The following SUCLG2 variants were observed in gnomAD, a reference collection of about 807,000 sequenced individuals.
The protein encoded by SUCLG2 is succinate-CoA ligase GDP-forming subunit beta, also known as succinate--CoA ligase [GDP-forming] subunit beta, mitochondrial.
In SUCLG2, 42 loss-of-function variants were observed where a neutral mutation model predicts 47.9. That is an observed-to-expected ratio of 0.88 (90% CI 0.69 to 1.14). The LOEUF (loss-of-function observed/expected upper bound fraction) is 1.14. Among genes scored for constraint, SUCLG2 ranks in the 50% most tolerant of loss-of-function variants. SUCLG2 has a pLI of 0.00. For missense variants in SUCLG2, 571 were observed against 525.9 expected (o/e 1.09, Z -0.84); for synonymous variants, 195 against 197.3 (o/e 0.99, Z 0.10).
At chr3:67,476,645 G>A (rs535742500) in intron 9 of SUCLG2, among the ~76,000 whole-genome samples, 1 of 152,260 alleles carries the variant, frequency 6.6e-6, no homozygotes, top group African/African-American at 2.4e-5. Flanking sequence ...CCCTCACTCA[G>A]TAGAAAAACT....
intron 9 of SUCLG2, among the ~76,000 whole-genome samples, chr3:67,424,621 G>C (rs1486460718): frequency 6.6e-6 from 1 of 152,122 alleles, no homozygotes; most frequent in African/African-American, 2.4e-5. Flanking sequence ...CTGTAAAATA[G>C]ATAATCATGT....
intron 9 of SUCLG2, among the ~76,000 whole-genome samples, chr3:67,446,470 A>T: frequency 8.5e-6 from 1 of 116,984 alleles, no homozygotes; most frequent in African/African-American, 3.5e-5. Context: ...TCGCTCTGTC[A>T]CTCAGGCTGG....
intron 9 of SUCLG2, among the ~76,000 whole-genome samples, chr3:67,402,214 A>C (rs957333429): frequency 1.3e-4 from 20 of 152,240 alleles, no homozygotes; most frequent in African/African-American, 4.8e-4. Flanking sequence ...AAAGGCCTAA[A>C]TGAGGTAATA....
chr3:67,405,605 G>A (rs1366908124), intron 9 of SUCLG2, among the ~76,000 whole-genome samples: 1 of 152,180 alleles, frequency 6.6e-6, no homozygotes, highest in African/African-American at 2.4e-5. Flanking sequence ...GTAACCTACA[G>A]CATATGCATT....
intron 9 of SUCLG2, among the ~76,000 whole-genome samples, chr3:67,456,934 C>A (rs1449330862): frequency 6.6e-6 from 1 of 152,074 alleles, no homozygotes; most frequent in Non-Finnish European, 1.5e-5. Flanking sequence ...TTTTCCTTTT[C>A]TTCTTTATAC....
At chr3:67,597,641 T>G in intron 2 of SUCLG2, among the ~76,000 whole-genome samples, 1 of 152,156 alleles carries the variant, frequency 6.6e-6, no homozygotes, top group Non-Finnish European at 1.5e-5. Context: ...GGAATAATAT[T>G]TAAAGCTCTC....
chr3:67,447,904 T>C (rs1394136895), intron 9 of SUCLG2, among the ~76,000 whole-genome samples: 1 of 152,154 alleles, frequency 6.6e-6, no homozygotes, highest in Non-Finnish European at 1.5e-5. Context: ...AATTTTTGTA[T>C]TTTTAGTAGA....
At chr3:67,533,640 G>A (rs977795617) in intron 2 of SUCLG2, among the ~76,000 whole-genome samples, 1 of 152,142 alleles carries the variant, frequency 6.6e-6, no homozygotes, top group Admixed American at 6.5e-5. Flanking sequence ...CAATTATATA[G>A]AGATAAGTTA....
intron 10 of SUCLG2, among the ~76,000 whole-genome samples, chr3:67,396,117 A>G (rs1229907964): frequency 3.3e-5 from 5 of 152,112 alleles, no homozygotes; most frequent in Admixed American, 6.6e-5. Flanking sequence ...AAGAACTAGA[A>G]AAACAAGAGC....
chr3:67,612,610 GAATT>G (rs1257787761), intron 1 of SUCLG2, among the ~76,000 whole-genome samples: 1 of 152,182 alleles, frequency 6.6e-6, no homozygotes, highest in East Asian at 1.9e-4. Context: ...GAAATGTCAA[GAATT>G]ATTATCTCTC....
chr3:67,594,046 C>T lies in SUCLG2; in HGVS notation c.226+15409G>A, dbSNP rs1008824105. The stretch of plus-strand genomic sequence containing the variant: ...TTGTGAAAACTATACCCACACCTAG[C>T]CCACAAGTCCGAGGAGGATGAGAGG... On this transcript the variant is annotated intron_variant, in intron 2 of 10. Transcript: ENST00000307227. 7.2e-5 allele frequency among the ~76,000 whole-genome samples: 11 copies of T among 152,190 alleles called. No individual in the cohort carries two copies. In the East Asian group the frequency reaches 1.9e-3, roughly 27 times the overall value.
At chr3:67,652,583 A>G (rs1701306704) in intron 1 of SUCLG2, among the ~76,000 whole-genome samples, 1 of 152,254 alleles carries the variant, frequency 6.6e-6, no homozygotes, top group Non-Finnish European at 1.5e-5. Context: ...GATGGTCATA[A>G]AGAAAAAAAT....
At chr3:67,477,724 A>T (rs1163106237) in intron 9 of SUCLG2, among the ~76,000 whole-genome samples, 4 of 152,164 alleles carry the variant, frequency 2.6e-5, no homozygotes, top group African/African-American at 9.7e-5. Flanking sequence ...TGGAGGTTTT[A>T]CTAAGTCTGT....
chr3:67,640,086 T>A (rs1701074200), intron 1 of SUCLG2, among the ~76,000 whole-genome samples: 1 of 152,242 alleles, frequency 6.6e-6, no homozygotes, highest in Non-Finnish European at 1.5e-5. Context: ...AGTCCTAAGC[T>A]GAAGATCTTA....
At chr3:67,514,990 C>T (rs759056036) in intron 6 of SUCLG2, among the ~76,000 whole-genome samples, 5 of 152,168 alleles carry the variant, frequency 3.3e-5, no homozygotes, top group African/African-American at 9.7e-5. Flanking sequence ...ATGTCCCTCA[C>T]GAAGTATTGC....
intron 2 of SUCLG2, among the ~76,000 whole-genome samples, chr3:67,563,103 T>C (rs1431160647): frequency 6.7e-6 from 1 of 149,216 alleles, no homozygotes; most frequent in South Asian, 2.1e-4. Context: ...AATTTTAATA[T>C]ATAATACATA....
intron 7 of SUCLG2, among the ~76,000 whole-genome samples, chr3:67,504,669 T>C (rs1705590654): frequency 6.6e-6 from 1 of 152,124 alleles, no homozygotes; most frequent in African/African-American, 2.4e-5. Context: ...AGCCTCCAAG[T>C]TGTGATGACT....
At chr3:67,535,065 G>C (rs1429220135) in intron 2 of SUCLG2, among the ~76,000 whole-genome samples, 1 of 152,076 alleles carries the variant, frequency 6.6e-6, no homozygotes, top group Non-Finnish European at 1.5e-5. Context: ...AGAGGTGCTG[G>C]AAACAGTCAT....
At chr3:67,442,537 C>T (rs1474174795) in intron 9 of SUCLG2, among the ~76,000 whole-genome samples, 2 of 152,184 alleles carry the variant, frequency 1.3e-5, no homozygotes, top group African/African-American at 4.8e-5. Flanking sequence ...TTTAAGACTC[C>T]TGTGAAAATG....
Sources: gnomAD v4.1 joint callset for allele counts (sites outside exome capture counted in the v4.1 genomes callset) on GRCh38, gnomAD v4.1.1 for gene constraint, MANE v1.5 for transcripts, NCBI Gene and HGNC (gene_info 2026-07-23, HGNC 2026-07-21) for gene names.